WDR7: variants seen among roughly 807,000 people sequenced by gnomAD.
WDR7 encodes the protein WD repeat domain 7.
WDR7 carries 46 observed loss-of-function variants against 169.4 expected under a neutral mutation model. That is an observed-to-expected ratio of 0.27 (90% CI 0.21 to 0.35). The LOEUF is 0.35. Among genes scored for constraint, WDR7 ranks in the 10% least tolerant of loss-of-function variants. The pLI, the probability that WDR7 is intolerant of heterozygous loss-of-function variation, is 1.00. For synonymous variants in WDR7, 612 were observed against 666.8 expected, an observed-to-expected ratio of 0.92 and a Z score of 1.27; for missense variants, 1,534 against 1,859.3, an observed-to-expected ratio of 0.83 and a Z score of 3.22.
intron 13 of WDR7, among the ~76,000 whole-genome samples, chr18:56,724,669 A>T (rs1304308773): frequency 6.6e-6 from 1 of 151,454 alleles, no homozygotes; most frequent in African/African-American, 2.4e-5. Context: ...ATATAATTAT[A>T]CTTTAAGTTC....
At chr18:56,685,797 C>G (rs565851937) in intron 5 of WDR7, among the ~76,000 whole-genome samples, 159 bp from the exon 6 acceptor site, 4 of 152,278 alleles carry the variant, frequency 2.6e-5, no homozygotes, top group African/African-American at 9.6e-5. Context: ...ACTTGTGTTT[C>G]AAAACCTGGT....
chr18:56,843,322 CTT>C (rs1352691514), intron 20 of WDR7, among the ~76,000 whole-genome samples: 3 of 152,166 alleles, frequency 2.0e-5, no homozygotes, highest in East Asian at 3.8e-4. Context: ...TTCTCCGAAA[CTT>C]TTTCATCTTC....
At chr18:56,669,475 T>C (rs1288468655) in intron 1 of WDR7, among the ~76,000 whole-genome samples, 2 of 152,102 alleles carry the variant, frequency 1.3e-5, no homozygotes, top group Non-Finnish European at 2.9e-5. Flanking sequence ...GAATAAGCAG[T>C]CTCTAAATGT....
chr18:56,681,437 T>A (rs2025348628), intron 4 of WDR7, 46 bp downstream of exon 4: 6 of 1,207,080 alleles, frequency 5.0e-6, no homozygotes, highest in Non-Finnish European at 6.8e-6. Context: ...ATTATAAGTA[T>A]ATAATTTAAA....
chr18:56,712,448 A>G (rs1054662372), intron 12 of WDR7, among the ~76,000 whole-genome samples: 1 of 152,210 alleles, frequency 6.6e-6, no homozygotes, highest in Admixed American at 6.5e-5. Flanking sequence ...TAATTATTTG[A>G]AAAATAATAA....
intron 25 of WDR7, among the ~76,000 whole-genome samples, chr18:56,950,438 G>A (rs1293489424): frequency 6.6e-6 from 1 of 152,108 alleles, no homozygotes. Context: ...TCAACACGAT[G>A]AAAAGGTCAA....
chr18:56,659,081 ATT>A (rs2024845122), intron 1 of WDR7, among the ~76,000 whole-genome samples: 1 of 152,158 alleles, frequency 6.6e-6, no homozygotes, highest in African/African-American at 2.4e-5. Flanking sequence ...TGTAGTAGTG[ATT>A]ATGTCAGCTA....
At chr18:57,020,880 A>G (rs1318757159) in intron 27 of WDR7, 31 bp downstream of exon 27, 2 of 1,601,310 alleles carry the variant, frequency 1.2e-6, no homozygotes, top group South Asian at 2.2e-5. Context: ...GTCTTAAAGC[A>G]TATACTGCGT....
At chr18:57,008,590 T>C (rs1408829583) in intron 26 of WDR7, among the ~76,000 whole-genome samples, 1 of 152,200 alleles carries the variant, frequency 6.6e-6, no homozygotes, top group Non-Finnish European at 1.5e-5. Flanking sequence ...TAGACTCATC[T>C]CTTGTTCTTC....
At chr18:56,718,413 T>A (rs1331425096) in intron 13 of WDR7, among the ~76,000 whole-genome samples, 1 of 152,180 alleles carries the variant, frequency 6.6e-6, no homozygotes, top group Non-Finnish European at 1.5e-5. Flanking sequence ...ACAAAGTATA[T>A]ATGTTTTCTA....
intron 19 of WDR7, among the ~76,000 whole-genome samples, chr18:56,812,092 A>G (rs79696402): frequency 6.6e-6 from 1 of 152,194 alleles, no homozygotes; most frequent in South Asian, 2.1e-4. Flanking sequence ...TTCCGATTCC[A>G]TGAACACAGT....
chr18:57,007,055 C>T (rs2048070085), intron 26 of WDR7, among the ~76,000 whole-genome samples: 1 of 151,626 alleles, frequency 6.6e-6, no homozygotes, highest in East Asian at 1.9e-4. Context: ...TCTCAGCTCA[C>T]TGCAAGCTCC....
chr18:56,736,653 G>T (rs2026705157), intron 14 of WDR7, among the ~76,000 whole-genome samples: 1 of 151,860 alleles, frequency 6.6e-6, no homozygotes, highest in African/African-American at 2.4e-5. Context: ...GGGTGTGTAG[G>T]TTTAGTAATT....
intron 19 of WDR7, among the ~76,000 whole-genome samples, chr18:56,793,219 G>C (rs1175918049): frequency 6.6e-6 from 1 of 152,208 alleles, no homozygotes; most frequent in Non-Finnish European, 1.5e-5. Flanking sequence ...GAATTAAAAT[G>C]TGATAACCTA....
intron 19 of WDR7, among the ~76,000 whole-genome samples, chr18:56,790,807 A>T (rs2044472282): frequency 6.6e-6 from 1 of 152,132 alleles, no homozygotes; most frequent in Non-Finnish European, 1.5e-5. Flanking sequence ...CGTGCATGAC[A>T]TTTGCAGACT....
Position 56,672,652 on chromosome 18 carries a change from G to C in WDR7, c.137G>C (p.Trp46Ser), listed in dbSNP as rs867495997. ...TGCHDGQICL[W>S]DLSVELQINP... ...TGTCACGACGGACAAATATGTCTCT[G>C]GGATCTTTCAGTAGAACTGCAAGTG... The change falls in exon 2 of 28, where the codon TGG becomes TCG. Residue 46 changes from tryptophan to serine, a missense_variant. Trp to Ser is a radical substitution (Grantham distance 177, BLOSUM62 -3). Coordinates refer to ENST00000254442, the MANE Select transcript of WDR7 (RefSeq NM_015285.3). 6.2e-7 allele frequency: 1 copy of C among 1,609,810 alleles called. No homozygotes were observed. The highest frequency in any genetic ancestry group is 1.7e-5 in the Admixed American group (1 of 59,200).
intron 16 of WDR7, 40 bp from the exon 17 acceptor site, chr18:56,776,742 C>A: frequency 6.4e-7 from 1 of 1,571,520 alleles, no homozygotes; most frequent in Non-Finnish European, 8.8e-7. Flanking sequence ...TGCTGTACTT[C>A]AATTCTCTCC....
At chr18:56,999,549 A>G (rs1010267438) in intron 26 of WDR7, among the ~76,000 whole-genome samples, 7 of 152,142 alleles carry the variant, frequency 4.6e-5, no homozygotes, top group Non-Finnish European at 7.4e-5. Flanking sequence ...CAGCCCCTAT[A>G]TTAGTCTGGG....
intron 21 of WDR7, among the ~76,000 whole-genome samples, chr18:56,888,980 G>T (rs1247574274): frequency 6.6e-6 from 1 of 152,190 alleles, no homozygotes; most frequent in Non-Finnish European, 1.5e-5. Flanking sequence ...GACTTGTCCT[G>T]AATTAGGGAT....
Sources: gnomAD v4.1 joint callset for allele counts (sites outside exome capture counted in the v4.1 genomes callset) on GRCh38, gnomAD v4.1.1 for gene constraint, MANE v1.5 for transcripts, NCBI Gene and HGNC (gene_info 2026-07-23, HGNC 2026-07-21) for gene names.